The following JARID2 variants were observed in gnomAD, a reference collection of about 807,000 sequenced individuals.
JARID2 encodes the protein protein Jumonji.
In JARID2, 21 loss-of-function variants were observed where a neutral mutation model predicts 125.6. The observed-to-expected ratio is 0.17, with a 90% CI of 0.12 to 0.24. The LOEUF (loss-of-function observed/expected upper bound fraction) is 0.24, where lower values mean the gene tolerates loss of function less well. JARID2 is among the 10% of genes least tolerant of loss of function. JARID2 has a pLI of 1.00. For missense variants in JARID2, 1,303 were observed against 1,639.6 expected, an observed-to-expected ratio of 0.79 and a Z score of 3.55; for synonymous variants, 736 against 661.6, an observed-to-expected ratio of 1.11 and a Z score of -1.73.
Position 15,487,404 on chromosome 6 carries a change from C to A in JARID2, c.768C>A (p.His256Gln). 1 of 1,614,266 alleles carries A rather than the reference C, an allele frequency of 6.2e-7. No homozygotes were observed. The highest frequency in any genetic ancestry group is 8.5e-7 in the Non-Finnish European group (1 of 1,180,054). ...CCGCAAAGGAGAAGCACAGCGATCACCGGGCTGACAGCCGCCGGGAGCAGG... is the reference window on the plus strand; with the variant it reads ...CCGCAAAGGAGAAGCACAGCGATCAACGGGCTGACAGCCGCCGGGAGCAGG... ...ATPAKEKHSD[H>Q]RADSRREQAS... The change falls in exon 6 of 18, where the codon CAC (histidine) becomes CAA (glutamine). Residue 256 changes from histidine to glutamine, a missense_variant. Around this residue, in one of 11 missense-constraint regions of JARID2, gnomAD observed 651 missense variants for 581.6 expected, o/e 1.12. Coordinates refer to ENST00000341776, the MANE Select transcript of JARID2 (RefSeq NM_004973.4).
At chr6:15,389,223 C>A (rs939924445) in intron 2 of JARID2, among the ~76,000 whole-genome samples, 3 of 152,166 alleles carry the variant, frequency 2.0e-5, no homozygotes, top group Non-Finnish European at 4.4e-5. Flanking sequence ...TGCAGTGACA[C>A]GATCTCAGCT....
intron 16 of JARID2, among the ~76,000 whole-genome samples, chr6:15,514,184 A>G (rs537063972): frequency 2.0e-5 from 3 of 151,774 alleles, no homozygotes; most frequent in African/African-American, 7.3e-5. Flanking sequence ...TGGCCTCGCC[A>G]TGCTTCTTCC....
intron 7 of JARID2, among the ~76,000 whole-genome samples, chr6:15,499,473 T>C (rs1245133634): frequency 6.6e-6 from 1 of 152,206 alleles, no homozygotes; most frequent in Non-Finnish European, 1.5e-5. Context: ...GAGTGAAATA[T>C]GAAAGTGTGG....
chr6:15,456,884 T>TTG (rs1315833703), intron 4 of JARID2, among the ~76,000 whole-genome samples: 1 of 149,116 alleles, frequency 6.7e-6, no homozygotes, highest in Non-Finnish European at 1.5e-5. Flanking sequence ...TAAGCTTTTT[T>TTG]TTTTTTTTTT....
intron 8 of JARID2, among the ~76,000 whole-genome samples, chr6:15,502,365 C>T (rs1308592771): frequency 2.6e-5 from 4 of 152,232 alleles, no homozygotes; most frequent in African/African-American, 9.6e-5. Flanking sequence ...CTGAGTTTCC[C>T]GGCACAGACT....
intron 3 of JARID2, among the ~76,000 whole-genome samples, chr6:15,414,507 T>C (rs1438229393): frequency 6.8e-6 from 1 of 147,772 alleles, no homozygotes; most frequent in African/African-American, 2.5e-5. Flanking sequence ...GAGTTTTTCT[T>C]TATGGAGGCA....
chr6:15,458,199 T>C (rs993547574), intron 4 of JARID2, among the ~76,000 whole-genome samples: 1 of 152,214 alleles, frequency 6.6e-6, no homozygotes, highest in Non-Finnish European at 1.5e-5. Flanking sequence ...TTGTTCTGAC[T>C]ATGATTATTA....
rs557065474 is a variant in JARID2, at chr6:15,399,183, C to T, written c.182-11041C>T. On this transcript the variant is annotated intron_variant, in intron 2 of 17. Transcript: ENST00000341776. ...ATAAGGGTCTGCTCTGGGGGCTCACCCTGGCAGCCATTGGAGAGCACCTCT... is the reference window on the plus strand; with the variant it reads ...ATAAGGGTCTGCTCTGGGGGCTCACTCTGGCAGCCATTGGAGAGCACCTCT... Among the ~76,000 whole-genome samples the T allele has an allele frequency of 4.3e-4, 66 of 152,196 alleles. 3 individuals are homozygous for T. In the South Asian group the frequency reaches 0.013, roughly 31 times the overall value.
rs535522396 is a variant in JARID2 at position 15,255,184 on chromosome 6, G to A, written c.45+8600G>A. 2.1e-5 allele frequency among the ~76,000 whole-genome samples: 3 copies of A among 141,632 alleles called. No individual in the cohort carries two copies. The East Asian group carries it at 6.1e-4, about 29-fold the overall frequency. The allele number at this position is 141,632 out of a possible 152,430, so 92.9% of individuals were successfully genotyped here. On this transcript the variant is annotated intron_variant, in intron 1 of 17. Transcript: ENST00000341776. ...TGAGACGAGTCTCACTTTGTTGCCA[G>A]GCTGGAGTACAGTGGCGCTATCTCA... is the stretch of plus-strand genomic sequence containing the variant.
intron 13 of JARID2, 49 bp downstream of exon 13, chr6:15,511,450 G>A (rs755302734): frequency 2.4e-6 from 3 of 1,262,324 alleles, no homozygotes; most frequent in Non-Finnish European, 3.5e-6. Flanking sequence ...GGACCTCCTA[G>A]GCACTTGAAC....
At chr6:15,466,548 A>G (rs1042270146) in intron 4 of JARID2, among the ~76,000 whole-genome samples, 5 of 152,236 alleles carry the variant, frequency 3.3e-5, no homozygotes, top group African/African-American at 1.2e-4. Flanking sequence ...GATCGATAGT[A>G]AAATAATTTG....
At chr6:15,421,992 T>C (rs764269771) in intron 3 of JARID2, among the ~76,000 whole-genome samples, 7 of 152,220 alleles carry the variant, frequency 4.6e-5, no homozygotes, top group Non-Finnish European at 1.0e-4. Flanking sequence ...CTGAAGTACA[T>C]GAAATGCCTT....
At chr6:15,417,231 A>G (rs1365376779) in intron 3 of JARID2, among the ~76,000 whole-genome samples, 1 of 152,168 alleles carries the variant, frequency 6.6e-6, no homozygotes, top group African/African-American at 2.4e-5. Context: ...GGTGCAGCAT[A>G]AGAGTATAGA....
At chr6:15,381,782 G>T (rs1351004208) in intron 2 of JARID2, among the ~76,000 whole-genome samples, 1 of 152,170 alleles carries the variant, frequency 6.6e-6, no homozygotes, top group South Asian at 2.1e-4. Flanking sequence ...GCTTACTTTG[G>T]TCAAGTCCTA....
At chr6:15,381,340 T>TAAA (rs1764577748) in intron 2 of JARID2, among the ~76,000 whole-genome samples, 1 of 43,742 alleles carries the variant, frequency 2.3e-5, no homozygotes, top group African/African-American at 1.0e-4. Context: ...GACTCCTGTC[T>TAAA]CAAAAAAAAA....
chr6:15,464,722 A>T (rs1768627672), intron 4 of JARID2, among the ~76,000 whole-genome samples: 1 of 152,120 alleles, frequency 6.6e-6, no homozygotes, highest in Non-Finnish European at 1.5e-5. Flanking sequence ...TCTTCCTTCC[A>T]TTCAACATAT....
chr6:15,257,490 T>C (rs1446902432), intron 1 of JARID2, among the ~76,000 whole-genome samples: 1 of 152,198 alleles, frequency 6.6e-6, no homozygotes, highest in Non-Finnish European at 1.5e-5. Context: ...TTCAAGGCCG[T>C]TGGTTGATAG....
At chr6:15,450,671 G>C (rs1476499501) in intron 3 of JARID2, among the ~76,000 whole-genome samples, 6 of 152,164 alleles carry the variant, frequency 3.9e-5, no homozygotes, top group African/African-American at 1.2e-4. Flanking sequence ...TTAAAGTAGG[G>C]CCCAGTTTCT....
chr6:15,449,162 T>TAG (rs1767807203), intron 3 of JARID2, among the ~76,000 whole-genome samples: 1 of 152,108 alleles, frequency 6.6e-6, no homozygotes, highest in African/African-American at 2.4e-5. Context: ...ATGACTTATA[T>TAG]AGAGGCAGGC....
Sources: allele counts gnomAD v4.1 joint callset (sites outside exome capture counted in the v4.1 genomes callset), GRCh38; gene constraint gnomAD v4.1.1; regional missense constraint gnomAD v4.1.1; transcripts MANE v1.5; gene names NCBI Gene and HGNC (gene_info 2026-07-23, HGNC 2026-07-21).